Variants in PHACTR2 observed in about 807,000 individuals in gnomAD.
PHACTR2 encodes the protein phosphatase and actin regulator 2.
Under a neutral mutation model 76.0 loss-of-function variants are expected in PHACTR2, and 30 were observed. That is an observed-to-expected ratio of 0.39 (90% confidence interval 0.30 to 0.54). The LOEUF is 0.54. PHACTR2 is among the 20% of genes least tolerant of loss of function. The probability of loss-of-function intolerance (pLI) is 0.61; values close to 1 mark genes in which losing one functional copy is unlikely to be tolerated. For synonymous variants in PHACTR2, 292 were observed against 292.5 expected, an observed-to-expected ratio of 1.00 and a Z score of 0.02; for missense variants, 696 against 781.1, an observed-to-expected ratio of 0.89 and a Z score of 1.30.
chr6:143,702,127 CTTTT>C (rs909954007), intron 1 of PHACTR2, among the ~76,000 whole-genome samples: 3 of 105,754 alleles, frequency 2.8e-5, no homozygotes, highest in Admixed American at 1.0e-4. Context: ...GTCTTCTTTG[CTTTT>C]TTTTTTTTTT....
At position 143,775,446 on chromosome 6, in the gene PHACTR2, A is replaced by G. The variant is rs1488289163; in HGVS notation, c.1589+1231A>G. On this transcript the variant is annotated intron_variant, in intron 8 of 12. Transcript: ENST00000440869. The surrounding 1 kb of genome is among the most constrained non-coding windows in gnomAD (Gnocchi z 4.4). ...CGTGATTAATGGTATCGAGCTGGAA[A>G]AACCTACAGTTCTAAACTTGCCATC... Among the ~76,000 whole-genome samples, 1 of 152,206 alleles carries G rather than the reference A, an allele frequency of 6.6e-6. No individual in the cohort carries two copies. The highest frequency in any genetic ancestry group is 1.9e-4 in the East Asian group (1 of 5,190).
Position 143,778,043 on chromosome 6 carries a change from C to T in PHACTR2, c.1645+660C>T, listed in dbSNP as rs79853473. Among the ~76,000 whole-genome samples the T allele has an allele frequency of 4.6e-3, 700 of 152,282 alleles. 2 individuals are homozygous for T. Among genetic ancestry groups the T allele is most frequent in the Non-Finnish European group, 7.1e-3 (485 of 68,020 alleles). ...TAAAGCTATAAAGCTAATAGAAATA[C>T]AGTTTGTCATGCTATTGTGTGTCAG... On this transcript the variant is annotated intron_variant, in intron 9 of 12. Coordinates refer to ENST00000440869, the MANE Select transcript of PHACTR2 (RefSeq NM_001100164.2).
At chr6:143,643,989 C>T (rs1176784258) in intron 1 of PHACTR2, among the ~76,000 whole-genome samples, 1 of 152,126 alleles carries the variant, frequency 6.6e-6, no homozygotes, top group Non-Finnish European at 1.5e-5. Flanking sequence ...TGCCTACCCC[C>T]AGGGTTTTTA....
chr6:143,765,608 GC>G lies in PHACTR2; in HGVS notation c.1049del (p.Pro350LeufsTer30). 2 of 1,613,808 alleles carry G rather than the reference GC, an allele frequency of 1.2e-6. No homozygotes were observed. The highest frequency in any genetic ancestry group is 8.5e-7 in the Non-Finnish European group (1 of 1,179,870). On this transcript the variant is annotated frameshift_variant, in exon 6 of 13. Transcript: ENST00000440869. LOFTEE classifies it high-confidence loss of function. The surrounding 1 kb of genome is among the most constrained non-coding windows in gnomAD (Gnocchi z 4.1). ...TGTGGCTCCAGCACCTTCTCCTCTG[GC>G]CCCCCCTCTCCCTCTTGAGGATCAG... ...PPVAPAPSPL[A>X]PPLPLEDQCI... is the part of the protein sequence containing the mutation.
rs1013780003 is a variant in PHACTR2 at position 143,581,595 on chromosome 6, T to G, written c.217+44388T>G. Among the ~76,000 whole-genome samples, 16 of 152,142 alleles carry G rather than the reference T, an allele frequency of 1.1e-4. No individual in the cohort carries two copies. Among genetic ancestry groups the G allele is most frequent in the African/African-American group, 3.6e-4 (15 of 41,424 alleles). Reference sequence around the variant, plus strand: ...TGTGTATTAATTATCTATTGCTGCATGACAAATACGGATCACTCAAGTCCA... The same window carrying G: ...TGTGTATTAATTATCTATTGCTGCAGGACAAATACGGATCACTCAAGTCCA... On this transcript the variant is annotated intron_variant, in intron 1 of 11. Transcript: ENST00000367584. This position sits in a 1 kb window ranked among gnomAD's most constrained non-coding sequence, Gnocchi z 4.5.
chr6:143,791,583 T>G lies in PHACTR2; in HGVS notation c.1845+2673T>G, dbSNP rs566189557. ...GTTTGAGGGTGTGCAAATTTTCCTG[T>G]AAGATCAATCTTGCTAGTTCTATTC... On this transcript the variant is annotated intron_variant, in intron 11 of 12. Coordinates refer to ENST00000440869, the MANE Select transcript of PHACTR2 (RefSeq NM_001100164.2). The surrounding 1 kb of genome is among the most constrained non-coding windows in gnomAD (Gnocchi z 4.7). Among the ~76,000 whole-genome samples the G allele has an allele frequency of 6.6e-6, 1 of 152,226 alleles. No individual in the cohort carries two copies. The highest frequency in any genetic ancestry group is 6.5e-5 in the Admixed American group (1 of 15,286).
Position 143,624,554 on chromosome 6 carries a change from G to T in PHACTR2, c.13+16232G>T, listed in dbSNP as rs1776221111. 6.6e-6 allele frequency among the ~76,000 whole-genome samples: 1 copy of T among 152,156 alleles called. No individual in the cohort carries two copies. ...CTTGAGGCCAAAATCAGCAATTTGG[G>T]ATTATATCACCACTCTTTTTTAATG... is the stretch of plus-strand genomic sequence containing the variant. On this transcript the variant is annotated intron_variant, in intron 1 of 11. Coordinates refer to the PHACTR2 transcript ENST00000305766. This position sits in a 1 kb window ranked among gnomAD's most constrained non-coding sequence, Gnocchi z 4.6.
intron 1 of PHACTR2, among the ~76,000 whole-genome samples, chr6:143,600,121 G>C (rs539117062): frequency 2.0e-4 from 30 of 152,354 alleles, no homozygotes; most frequent in Non-Finnish European, 3.8e-4. Flanking sequence ...GCCGGCATGA[G>C]CCTGCCAGCC....
chr6:143,607,291 G>A (rs1309903018), upstream of PHACTR2, among the ~76,000 whole-genome samples: 1 of 152,198 alleles, frequency 6.6e-6, no homozygotes, highest in African/African-American at 2.4e-5. Flanking sequence ...AAACAGTTGC[G>A]CTGTCCCCAG....
At chr6:143,666,036 C>G (rs927709009) in intron 1 of PHACTR2, among the ~76,000 whole-genome samples, 2 of 151,006 alleles carry the variant, frequency 1.3e-5, no homozygotes, top group African/African-American at 4.9e-5. Flanking sequence ...CCCCAAACCA[C>G]CCCCCAACAG....
In PHACTR2 at chr6:143,787,985, G is replaced by A. The variant is rs1775592502; in HGVS notation, c.1708-788G>A. ...AGAGTAGATAATGCCTGTTTACCAA[G>A]GGGCCAGCTTTCTTTCACCTGTCAG... is the stretch of plus-strand genomic sequence containing the variant. On this transcript the variant is annotated intron_variant, in intron 10 of 12. Coordinates refer to ENST00000440869, the MANE Select transcript of PHACTR2 (RefSeq NM_001100164.2). This position sits in a 1 kb window ranked among gnomAD's most constrained non-coding sequence, Gnocchi z 4.6. Among the ~76,000 whole-genome samples the A allele has an allele frequency of 6.6e-6, 1 of 152,200 alleles. No homozygotes were observed. The highest frequency in any genetic ancestry group is 2.1e-4 in the South Asian group (1 of 4,834).
In PHACTR2 at chr6:143,662,827, C is replaced by A. The variant is rs761559939; in HGVS notation, c.14-49189C>A. ...GTGTATATTGCACCCAGACAGTGAG[C>A]AGAGTACCCAATAGGTAGTTTTTCA... On this transcript the variant is annotated intron_variant, in intron 1 of 11. Coordinates refer to the PHACTR2 transcript ENST00000305766. The surrounding 1 kb of genome is among the most constrained non-coding windows in gnomAD (Gnocchi z 4.7). Among the ~76,000 whole-genome samples, 3 of 152,078 alleles carry A rather than the reference C, an allele frequency of 2.0e-5. No homozygotes were observed. The highest frequency in any genetic ancestry group is 4.4e-5 in the Non-Finnish European group (3 of 68,012).
intron 1 of PHACTR2, among the ~76,000 whole-genome samples, chr6:143,685,039 A>G (rs1370991956): frequency 6.6e-6 from 1 of 152,100 alleles, no homozygotes; most frequent in Non-Finnish European, 1.5e-5. Context: ...ATATATTTTA[A>G]CATTAAAAAT....
intron 2 of PHACTR2, among the ~76,000 whole-genome samples, chr6:143,725,565 C>T (rs1778546388): frequency 6.6e-6 from 1 of 151,934 alleles, no homozygotes; most frequent in Non-Finnish European, 1.5e-5. Flanking sequence ...GTCTGTTCTT[C>T]TTCACCATAG....
chr6:143,760,465 GCCTAGACCCAAA>G lies in PHACTR2; in HGVS notation c.524_535del (p.Arg175_Pro178del). The G allele has an allele frequency of 6.2e-7, 1 of 1,613,708 alleles. No homozygotes were observed. The highest frequency in any genetic ancestry group is 8.5e-7 in the Non-Finnish European group (1 of 1,179,742). Reference sequence around the variant, plus strand: ...CTCTACCTCCTTCTGCTCCTCCTAAGCCTAGACCCAAACCTAAACCCAAAAAATCACCTGTGC... The same window carrying G: ...CTCTACCTCCTTCTGCTCCTCCTAAGCCTAAACCCAAAAAATCACCTGTGC... On this transcript the variant is annotated inframe_deletion, in exon 5 of 13. Transcript: ENST00000440869. This position sits in a 1 kb window ranked among gnomAD's most constrained non-coding sequence, Gnocchi z 6.4.
chr6:143,819,083 T>C lies in PHACTR2; in HGVS notation c.1923-4591T>C, dbSNP rs1429481599. Reference sequence around the variant, plus strand: ...GGCTTCTGATTGGACTCCTCAGTCATATAGAATTATTTATAGAGCTAACAA... The same window carrying C: ...GGCTTCTGATTGGACTCCTCAGTCACATAGAATTATTTATAGAGCTAACAA... On this transcript the variant is annotated intron_variant, in intron 12 of 12. Coordinates refer to ENST00000440869, the MANE Select transcript of PHACTR2 (RefSeq NM_001100164.2). This position sits in a 1 kb window ranked among gnomAD's most constrained non-coding sequence, Gnocchi z 5.0. Among the ~76,000 whole-genome samples, 1 of 152,192 alleles carries C rather than the reference T, an allele frequency of 6.6e-6. No homozygotes were observed. The highest frequency in any genetic ancestry group is 1.5e-5 in the Non-Finnish European group (1 of 68,032).
Position 143,712,123 on chromosome 6 carries a change from T to C in PHACTR2, c.154T>C (p.Phe52Leu). Residue 52 changes from phenylalanine (F) to leucine (L), a missense_variant, in exon 2 of 13, where the codon TTT (phenylalanine) becomes CTT (leucine). Around this residue, in one of 2 missense-constraint regions of PHACTR2, gnomAD observed 460 missense variants for 450.9 expected, o/e 1.02. Coordinates refer to ENST00000440869, the MANE Select transcript of PHACTR2 (RefSeq NM_001100164.2). ...KGKLSTIGKI[F>L]KPWKWRKKKT... ...GAAACTATCCACCATTGGTAAAATC[T>C]TTAAGCCTTGGAAATGGAGGAAAAA... 1.9e-6 allele frequency: 3 copies of C among 1,584,414 alleles called. No individual in the cohort carries two copies. Among genetic ancestry groups the C allele is most frequent in the Non-Finnish European group, 2.6e-6 (3 of 1,168,862 alleles).
At chr6:143,711,501 CT>C (rs1778176126) in intron 1 of PHACTR2, among the ~76,000 whole-genome samples, 1 of 152,156 alleles carries the variant, frequency 6.6e-6, no homozygotes, top group Non-Finnish European at 1.5e-5. Flanking sequence ...AGCTCAAAAC[CT>C]TTTTTGTAAT....
intron 6 of PHACTR2, among the ~76,000 whole-genome samples, chr6:143,766,953 C>G (rs758649390): frequency 3.3e-5 from 5 of 152,136 alleles, no homozygotes; most frequent in Non-Finnish European, 7.4e-5. Context: ...AGAACAAAAC[C>G]TGTATTCATT....
Sources: gnomAD v4.1 joint callset for allele counts (sites outside exome capture counted in the v4.1 genomes callset) on GRCh38, gnomAD v4.1.1 for gene constraint, gnomAD v4.1.1 regional missense constraint, Gnocchi (gnomAD v3.1) non-coding constraint, MANE v1.5 for transcripts, NCBI Gene and HGNC (gene_info 2026-07-23, HGNC 2026-07-21) for gene names.